The following NDC1 variants were observed in gnomAD, a reference collection of about 807,000 sequenced individuals.
NDC1 encodes the protein nucleoporin NDC1.
In NDC1, 24 loss-of-function variants were observed where a neutral mutation model predicts 89.8. The observed-to-expected ratio is 0.27, with a 90% CI of 0.19 to 0.38. The LOEUF is 0.38. Among genes scored for constraint, NDC1 ranks in the 10% least tolerant of loss-of-function variants. The probability of loss-of-function intolerance (pLI) is 1.00; values close to 1 mark genes in which losing one functional copy is unlikely to be tolerated. For missense variants in NDC1, 728 were observed against 797.6 expected, an observed-to-expected ratio of 0.91 and a Z score of 1.05; for synonymous variants, 296 against 284.8, an observed-to-expected ratio of 1.04 and a Z score of -0.39.
chr1:53,792,673 T>C (rs941829967), intron 14 of NDC1, among the ~76,000 whole-genome samples: 2 of 152,162 alleles, frequency 1.3e-5, no homozygotes, highest in African/African-American at 2.4e-5. Flanking sequence ...AAGGATTAAA[T>C]AGAGACACAA....
At chr1:53,823,721 C>T (rs1648747379) in intron 5 of NDC1, among the ~76,000 whole-genome samples, 1 of 152,012 alleles carries the variant, frequency 6.6e-6, no homozygotes, top group African/African-American at 2.4e-5. Flanking sequence ...AGTTTTTCTC[C>T]TTGTGAAATT....
chr1:53,807,702 G>A lies in NDC1; in HGVS notation c.845C>T (p.Thr282Met), dbSNP rs138233326. ...GAGTATCCATGAGACATACCAAGTC[G>A]TCAGGAGAAAGACACCACACAGCCA... ...HVWLCGVFLL[T>M]TWYVSWILFK... The change falls in exon 8 of 18, where the codon ACG (threonine) becomes ATG (methionine). Residue 282 changes from threonine to methionine, a missense_variant. By Grantham distance (81) the Thr-to-Met change is moderately conservative (BLOSUM62 -1). Transcript: ENST00000371429. The A allele has an allele frequency of 3.6e-5, 58 of 1,613,358 alleles. No individual in the cohort carries two copies. The highest frequency in any genetic ancestry group is 4.2e-5 in the Non-Finnish European group (50 of 1,179,510).
At chr1:53,818,039 G>A (rs935530588) in intron 6 of NDC1, among the ~76,000 whole-genome samples, 1 of 152,076 alleles carries the variant, frequency 6.6e-6, no homozygotes, top group Non-Finnish European at 1.5e-5. Context: ...AAAGGAGGAT[G>A]TCATTTCTAG....
intron 3 of NDC1, among the ~76,000 whole-genome samples, chr1:53,828,673 G>T (rs929385950): frequency 6.6e-6 from 1 of 151,748 alleles, no homozygotes; most frequent in East Asian, 1.9e-4. Flanking sequence ...GTGCAGTGGC[G>T]CAATCTTGGC....
intron 14 of NDC1, among the ~76,000 whole-genome samples, chr1:53,792,058 T>C (rs572944429): frequency 4.2e-4 from 64 of 152,000 alleles, no homozygotes; most frequent in Non-Finnish European, 6.0e-4. Flanking sequence ...TTCTCCTGCC[T>C]CAGCCTCCCG....
intron 7 of NDC1, among the ~76,000 whole-genome samples, chr1:53,808,394 T>C (rs1248862855): frequency 6.6e-6 from 1 of 152,176 alleles, no homozygotes; most frequent in Admixed American, 6.5e-5. Context: ...CATTTCTAAG[T>C]GTTGTGATTA....
Position 53,802,485 on chromosome 1 carries a change from G to A in NDC1, c.1066+1443C>T, listed in dbSNP as rs961521309. Among the ~76,000 whole-genome samples, 3 of 152,152 alleles carry A rather than the reference G, an allele frequency of 2.0e-5. No homozygotes were observed. The East Asian group carries it at 5.8e-4, about 29-fold the overall frequency. The stretch of plus-strand genomic sequence containing the variant: ...AGTTCAAGGCCAGCCTGGGAAACAC[G>A]GCAAGACCCTGTTTCAACAAAAATT... On this transcript the variant is annotated intron_variant, in intron 10 of 17. Coordinates refer to ENST00000371429, the MANE Select transcript of NDC1 (RefSeq NM_018087.5).
In NDC1 at chr1:53,792,158, G is replaced by A. The variant is rs1197520923; in HGVS notation, c.1635+1071C>T. Reference sequence around the variant, plus strand: ...AGGGTTTCACCGTGTTAGCCAGGATGGTCTTGATCTCCTGACCTCGTGATC... The same window carrying A: ...AGGGTTTCACCGTGTTAGCCAGGATAGTCTTGATCTCCTGACCTCGTGATC... On this transcript the variant is annotated intron_variant, in intron 14 of 17. Transcript: ENST00000371429. 3.3e-5 allele frequency among the ~76,000 whole-genome samples: 5 copies of A among 152,088 alleles called. No homozygotes were observed. In the East Asian group the frequency reaches 5.8e-4, roughly 18 times the overall value.
Position 53,820,218 on chromosome 1 carries a change from GCACTCC to G in NDC1, c.595-1145_595-1140del, listed in dbSNP as rs1377603282. 2.0e-5 allele frequency among the ~76,000 whole-genome samples: 3 copies of G among 151,408 alleles called. No individual in the cohort carries two copies. In the East Asian group the frequency reaches 5.8e-4, roughly 29 times the overall value. On this transcript the variant is annotated intron_variant, in intron 5 of 17. Transcript: ENST00000371429. ...TGCAGTAAGCCAAGACTGCACCACT[GCACTCC>G]AGCCTGGGCAACAGAGTGAGACTCT... is the stretch of plus-strand genomic sequence containing the variant.
chr1:53,792,890 G>A lies in NDC1; in HGVS notation c.1635+339C>T, dbSNP rs575108962. On this transcript the variant is annotated intron_variant, in intron 14 of 17. Coordinates refer to ENST00000371429, the MANE Select transcript of NDC1 (RefSeq NM_018087.5). ...CAAAATGGTCACAAAGACGCTAGCAGGACGTGAGCCAAGAAGCACCAGATA... is the reference window on the plus strand; with the variant it reads ...CAAAATGGTCACAAAGACGCTAGCAAGACGTGAGCCAAGAAGCACCAGATA... Among the ~76,000 whole-genome samples, 4 of 152,328 alleles carry A rather than the reference G, an allele frequency of 2.6e-5. No homozygotes were observed. In the East Asian group the frequency reaches 7.7e-4, roughly 29 times the overall value.
At chr1:53,787,052 C>A in intron 16 of NDC1, 106 bp downstream of exon 16, 1 of 587,608 alleles carries the variant, frequency 1.7e-6, no homozygotes, top group South Asian at 2.6e-5. Flanking sequence ...ATTTTAACTT[C>A]CAACATGTTT....
chr1:53,790,415 T>C (rs1647454285), intron 14 of NDC1, among the ~76,000 whole-genome samples: 1 of 140,912 alleles, frequency 7.1e-6, no homozygotes, highest in Non-Finnish European at 1.5e-5. Flanking sequence ...AAAATAAAAA[T>C]AAAAAAATTG....
chr1:53,801,492 C>T (rs187685922), intron 10 of NDC1, among the ~76,000 whole-genome samples: 158 of 152,252 alleles, frequency 1.0e-3, no homozygotes, highest in African/African-American at 3.7e-3. Flanking sequence ...AGATCTTTGT[C>T]GCCTAGAGTT....
intron 16 of NDC1, among the ~76,000 whole-genome samples, chr1:53,773,194 C>CT (rs1490051707): frequency 1.3e-5 from 2 of 151,768 alleles, no homozygotes; most frequent in African/African-American, 4.8e-5. Context: ...ATTTATGATA[C>CT]TGTTACATCA....
chr1:53,819,281 T>C (rs892507803), intron 5 of NDC1, among the ~76,000 whole-genome samples: 1 of 152,240 alleles, frequency 6.6e-6, no homozygotes, highest in African/African-American at 2.4e-5. Flanking sequence ...AACATCTCAC[T>C]GATATAAAAT....
chr1:53,779,306 C>T (rs72900613), intron 16 of NDC1, among the ~76,000 whole-genome samples: 102 of 151,936 alleles, frequency 6.7e-4, no homozygotes, highest in African/African-American at 2.3e-3. Flanking sequence ...TCCCATCTTC[C>T]AGATATAAAA....
At chr1:53,777,090 C>T (rs1055172006) in intron 16 of NDC1, among the ~76,000 whole-genome samples, 1 of 151,708 alleles carries the variant, frequency 6.6e-6, no homozygotes, top group African/African-American at 2.4e-5. Context: ...TGCAGTAGGG[C>T]AAGCATACCT....
intron 5 of NDC1, among the ~76,000 whole-genome samples, chr1:53,821,944 T>A (rs953084152): frequency 6.6e-6 from 1 of 152,266 alleles, no homozygotes; most frequent in Non-Finnish European, 1.5e-5. Context: ...TGCTTTTCCC[T>A]ATGGGTCCAT....
chr1:53,788,415 G>A (rs1647375579), intron 15 of NDC1, among the ~76,000 whole-genome samples: 1 of 151,180 alleles, frequency 6.6e-6, no homozygotes, highest in African/African-American at 2.4e-5. Context: ...AGATAACCTC[G>A]TCCCTACAAA....
Sources: gnomAD v4.1 joint callset for allele counts (sites outside exome capture counted in the v4.1 genomes callset) on GRCh38, gnomAD v4.1.1 for gene constraint, MANE v1.5 for transcripts, NCBI Gene and HGNC (gene_info 2026-07-23, HGNC 2026-07-21) for gene names.